The following TTBK1 variants were observed in gnomAD, a reference collection of about 807,000 sequenced individuals.
TTBK1 encodes tau tubulin kinase 1.
Under a neutral mutation model 108.5 loss-of-function variants are expected in TTBK1, and 34 were observed. That is an observed-to-expected ratio of 0.31 (90% CI 0.24 to 0.42). The LOEUF is 0.42. Among genes scored for constraint, TTBK1 ranks in the 10% least tolerant of loss-of-function variants. TTBK1 has a pLI of 1.00. For missense variants in TTBK1, 1,539 were observed against 1,826.0 expected (o/e 0.84, Z 2.86); for synonymous variants, 809 against 795.1 (o/e 1.02, Z -0.29).
chr6:43,253,183 G>A lies in TTBK1; in HGVS notation c.257-108G>A. 1 of 1,243,376 alleles carries A rather than the reference G, an allele frequency of 8.0e-7. No individual in the cohort carries two copies. Among genetic ancestry groups the A allele is most frequent in the Non-Finnish European group, 1.2e-6 (1 of 847,646 alleles). The allele number at this position is 1,243,376 out of a possible 1,614,324, so 77.0% of individuals were successfully genotyped here. On this transcript the variant is annotated intron_variant, in intron 3 of 14. Coordinates refer to ENST00000259750, the MANE Select transcript of TTBK1 (RefSeq NM_032538.3). This position sits in a 1 kb window ranked among gnomAD's most constrained non-coding sequence, Gnocchi z 5.8. Reference sequence around the variant, plus strand: ...AGGTGGCAAGACAGGTGCTCACAGGGCCAGCACTGGAGGGACCAGGAATCA... The same window carrying A: ...AGGTGGCAAGACAGGTGCTCACAGGACCAGCACTGGAGGGACCAGGAATCA...
rs1339522924 is a variant in TTBK1 at position 43,254,573 on chromosome 6, C to T, written c.498C>T (p.Pro166=). ...CAAACTTTGCCATGGGCAGGCTGCC[C>T]TCCACCTACAGGAAGTGCTATATGC... The part of the protein sequence containing the change: ...KPSNFAMGRL[P]STYRKCYMLD... The change falls in exon 6 of 15, where the codon CCC becomes CCT. Residue 166 remains proline, a synonymous_variant. Transcript: ENST00000259750. 3 of 1,579,494 alleles carry T rather than the reference C, an allele frequency of 1.9e-6. No homozygotes were observed. Among genetic ancestry groups the T allele is most frequent in the Admixed American group, 1.9e-5 (1 of 53,336 alleles).
At position 43,282,819 on chromosome 6, in the gene TTBK1, C is replaced by T. The variant is rs138964632; in HGVS notation, c.2079C>T (p.Ser693=). Residue 693 remains serine, a synonymous_variant, in exon 14 of 15, where the codon TCC becomes TCT. Coordinates refer to ENST00000259750, the MANE Select transcript of TTBK1 (RefSeq NM_032538.3). The surrounding 1 kb of genome is among the most constrained non-coding windows in gnomAD (Gnocchi z 5.4). The stretch of plus-strand genomic sequence containing the variant: ...ACCAGGACTTCAAAAGAGACCTCTC[C>T]GATTACCGAGAACGGGCGCGGTTGC... ...LPYQDFKRDL[S]DYRERARLLN... 9.7e-5 allele frequency: 157 copies of T among 1,614,066 alleles called. No individual in the cohort carries two copies. In the East Asian group the frequency reaches 2.7e-3, roughly 28 times the overall value.
At chr6:43,270,117 C>T in intron 13 of TTBK1, 2 of 1,380,986 alleles carry the variant, frequency 1.4e-6, no homozygotes, top group Non-Finnish European at 1.9e-6. Context: ...CTGTAATACT[C>T]CCACCCCAAG....
rs2150686263 is a variant in TTBK1 at position 43,253,759 on chromosome 6, C to T, written c.471+51C>T. On this transcript the variant is annotated intron_variant, in intron 5 of 14. Coordinates refer to ENST00000259750, the MANE Select transcript of TTBK1 (RefSeq NM_032538.3). The surrounding 1 kb of genome is among the most constrained non-coding windows in gnomAD (Gnocchi z 5.8). ...CTGTTCCCTCCTCCAGAACACACCC[C>T]TAATTCTTTCCCTGGGTCTCCTGGT... The T allele has an allele frequency of 3.9e-6, 6 of 1,557,254 alleles. No individual in the cohort carries two copies. The East Asian group carries it at 1.1e-4, about 30-fold the overall frequency.
Position 43,263,020 on chromosome 6 carries a change from C to T in TTBK1, c.1656C>T (p.Leu552=). ...TCATCATCGACAAGGAGACGGAGCT[C>T]AAGGACTTCCCTCCAGGGGCTGAGC... The part of the protein sequence containing the change: ...EWVIIDKETE[L]KDFPPGAEPS... The change falls in exon 13 of 15, where the codon CTC becomes CTT. Residue 552 remains leucine (L), a synonymous_variant. Coordinates refer to ENST00000259750, the MANE Select transcript of TTBK1 (RefSeq NM_032538.3). This position sits in a 1 kb window ranked among gnomAD's most constrained non-coding sequence, Gnocchi z 4.7. The T allele has an allele frequency of 6.2e-7, 1 of 1,604,428 alleles. No individual in the cohort carries two copies. The highest frequency in any genetic ancestry group is 2.3e-5 in the East Asian group (1 of 44,388).
chr6:43,285,797 C>G lies in TTBK1; in HGVS notation c.*421C>G, dbSNP rs779172254. On this transcript the variant is annotated 3_prime_UTR_variant, in exon 15 of 15. Transcript: ENST00000259750. The surrounding 1 kb of genome is among the most constrained non-coding windows in gnomAD (Gnocchi z 4.7). ...CAGCAATCTCTGCCTACACCTCCTGCGGCGCCTTGCCCTCCTCCGACCCCT... is the reference window on the plus strand; with the variant it reads ...CAGCAATCTCTGCCTACACCTCCTGGGGCGCCTTGCCCTCCTCCGACCCCT... 1.3e-5 allele frequency: 2 copies of G among 155,634 alleles called. No individual in the cohort carries two copies. Among genetic ancestry groups the G allele is most frequent in the Non-Finnish European group, 2.8e-5 (2 of 70,240 alleles). The allele number at this position is 155,634 out of a possible 1,614,324, so 9.6% of individuals were successfully genotyped here.
Position 43,253,851 on chromosome 6 carries a change from C to G in TTBK1, c.471+143C>G. ...CTCTTCTCCCCAAGCCCCTCCTGCT[C>G]TCCTTCCCAGGCCCCATCTCTTCCT... On this transcript the variant is annotated intron_variant, in intron 5 of 14. Coordinates refer to ENST00000259750, the MANE Select transcript of TTBK1 (RefSeq NM_032538.3). This position sits in a 1 kb window ranked among gnomAD's most constrained non-coding sequence, Gnocchi z 5.8. 2 of 1,138,160 alleles carry G rather than the reference C, an allele frequency of 1.8e-6. No individual in the cohort carries two copies. Among genetic ancestry groups the G allele is most frequent in the Non-Finnish European group, 2.4e-6 (2 of 827,304 alleles). 70.5% of individuals were successfully genotyped at this position (1,138,160 alleles called of 1,614,324 possible). A position where few individuals can be genotyped will look rare whatever the true frequency, so the allele number is the denominator to read the frequency against.
In TTBK1 at chr6:43,252,715, C is replaced by G. The variant is rs200399075; in HGVS notation, c.109-24C>G. On this transcript the variant is annotated intron_variant, in intron 2 of 14. Transcript: ENST00000259750. ...AGCTGTTCAGCCTGATCCCTGAGCA[C>G]CCCCTATCCCCTCATCTTCATAGCT... The G allele has an allele frequency of 2.2e-5, 36 of 1,613,398 alleles. No individual in the cohort carries two copies. The East Asian group carries it at 7.6e-4, about 34-fold the overall frequency.
At chr6:43,284,949 C>T (rs909119474) in intron 14 of TTBK1, 34 bp from the exon 15 acceptor site, 2 of 1,498,326 alleles carry the variant, frequency 1.3e-6, no homozygotes, top group African/African-American at 2.9e-5. Context: ...TTTCTTTGCC[C>T]TCTTCTTTTC....
chr6:43,247,647 TGTGTGTGCGTGTGTGCTTGGCGC>T (rs1777129818), intron 2 of TTBK1, among the ~76,000 whole-genome samples: 1 of 151,824 alleles, frequency 6.6e-6, no homozygotes. Context: ...CTGAGTCGTG[TGTGTGTGCGTGTGTGCTTGGCGC>T]GTGTGCGCAC....
chr6:43,246,369 T>C (rs534451827), intron 1 of TTBK1, among the ~76,000 whole-genome samples: 1 of 152,294 alleles, frequency 6.6e-6, no homozygotes, highest in African/African-American at 2.4e-5. Context: ...TCACTGTCAT[T>C]TTCCTCTTCT....
chr6:43,279,068 C>A (rs1778079545), intron 13 of TTBK1, among the ~76,000 whole-genome samples: 1 of 152,204 alleles, frequency 6.6e-6, no homozygotes, highest in Non-Finnish European at 1.5e-5. Flanking sequence ...TAACCTGGAC[C>A]AATGCCCAAA....
In TTBK1 at chr6:43,285,048, G is replaced by A; in HGVS notation, c.3638G>A (p.Gly1213Asp). The A allele has an allele frequency of 6.6e-7, 1 of 1,511,496 alleles. No homozygotes were observed. The highest frequency in any genetic ancestry group is 8.8e-7 in the Non-Finnish European group (1 of 1,136,602). 93.6% of individuals were successfully genotyped at this position (1,511,496 alleles called of 1,614,324 possible). The change falls in exon 15 of 15, where the codon GGC becomes GAC. Residue 1213 changes from glycine to aspartate, a missense_variant. This residue lies in a region of TTBK1 where 1,055 missense variants were observed against 1,086.5 expected (regional missense o/e 0.97). Coordinates refer to ENST00000259750, the MANE Select transcript of TTBK1 (RefSeq NM_032538.3). The surrounding 1 kb of genome is among the most constrained non-coding windows in gnomAD (Gnocchi z 4.7). ...GACCTCCGCCCCAAACAACCTCCTG[G>A]CCGCGGCCTGGGCCCAGGGCGAGCC... is the stretch of plus-strand genomic sequence containing the variant. ...AADLRPKQPP[G>D]RGLGPGRAQA...
rs1053657477 is a variant in TTBK1 at position 43,269,219 on chromosome 6, C to A, written c.1986+5869C>A. 1.3e-5 allele frequency among the ~76,000 whole-genome samples: 2 copies of A among 152,224 alleles called. No homozygotes were observed. Among genetic ancestry groups the A allele is most frequent in the Non-Finnish European group, 2.9e-5 (2 of 68,034 alleles). ...AGTTTCTGAGCCCTAATGAGTAGCA[C>A]GGAATCTAGCTGGGGAGACATGCCA... On this transcript the variant is annotated intron_variant, in intron 13 of 14. Coordinates refer to ENST00000259750, the MANE Select transcript of TTBK1 (RefSeq NM_032538.3). The surrounding 1 kb of genome is among the most constrained non-coding windows in gnomAD (Gnocchi z 4.8).
chr6:43,260,030 TCTC>T (rs987834521), intron 12 of TTBK1, among the ~76,000 whole-genome samples: 3 of 152,050 alleles, frequency 2.0e-5, no homozygotes, highest in Admixed American at 1.3e-4. Context: ...CAGAATCTCT[TCTC>T]CTAGAGACTA....
At position 43,259,294 on chromosome 6, in the gene TTBK1, G is replaced by C. The variant is rs553830665; in HGVS notation, c.1248+25G>C. 1 of 1,518,900 alleles carries C rather than the reference G, an allele frequency of 6.6e-7. No individual in the cohort carries two copies. The highest frequency in any genetic ancestry group is 8.9e-7 in the Non-Finnish European group (1 of 1,128,764). The allele number at this position is 1,518,900 out of a possible 1,614,324, so 94.1% of individuals were successfully genotyped here. Reference sequence around the variant, plus strand: ...AGTAACTGCCGCCAGGGCGAAGGGCGTGGGTGGCCTTTTCTCTCACCCCCG... The same window carrying C: ...AGTAACTGCCGCCAGGGCGAAGGGCCTGGGTGGCCTTTTCTCTCACCCCCG... On this transcript the variant is annotated intron_variant, in intron 11 of 14. Coordinates refer to ENST00000259750, the MANE Select transcript of TTBK1 (RefSeq NM_032538.3). This position sits in a 1 kb window ranked among gnomAD's most constrained non-coding sequence, Gnocchi z 6.7.
chr6:43,269,243 C>CA lies in TTBK1; in HGVS notation c.1986+5894dup, dbSNP rs1777759773. Among the ~76,000 whole-genome samples the CA allele has an allele frequency of 6.6e-6, 1 of 152,158 alleles. No homozygotes were observed. Among genetic ancestry groups the CA allele is most frequent in the Non-Finnish European group, 1.5e-5 (1 of 68,032 alleles). On this transcript the variant is annotated intron_variant, in intron 13 of 14. Coordinates refer to ENST00000259750, the MANE Select transcript of TTBK1 (RefSeq NM_032538.3). This position sits in a 1 kb window ranked among gnomAD's most constrained non-coding sequence, Gnocchi z 4.8. ...ACGGAATCTAGCTGGGGAGACATGC[C>CA]ACACACAGCTGTCAACACATGGCAA... is the stretch of plus-strand genomic sequence containing the variant.
chr6:43,243,653 C>T lies in TTBK1; in HGVS notation c.-110C>T, dbSNP rs1777011965. 1 of 153,036 alleles carries T rather than the reference C, an allele frequency of 6.5e-6. No homozygotes were observed. Among genetic ancestry groups the T allele is most frequent in the Non-Finnish European group, 1.5e-5 (1 of 68,742 alleles). 9.5% of individuals were successfully genotyped at this position (153,036 alleles called of 1,614,324 possible). On this transcript the variant is annotated 5_prime_UTR_variant, in exon 1 of 15. Coordinates refer to ENST00000259750, the MANE Select transcript of TTBK1 (RefSeq NM_032538.3). This position sits in a 1 kb window ranked among gnomAD's most constrained non-coding sequence, Gnocchi z 5.5. ...GCCCCGGCCCCGGGGGATGCGCCGC[C>T]CCGAGCTGCTGCCTCCGCCGCCGCC...
At chr6:43,244,176 C>G (rs1023051806) in intron 1 of TTBK1, among the ~76,000 whole-genome samples, 3 of 151,966 alleles carry the variant, frequency 2.0e-5, no homozygotes, top group Non-Finnish European at 2.9e-5. Flanking sequence ...CTCTATCCTA[C>G]CCACCCCTCT....
Sources: allele counts gnomAD v4.1 joint callset (sites outside exome capture counted in the v4.1 genomes callset), GRCh38; gene constraint gnomAD v4.1.1; regional missense constraint gnomAD v4.1.1; non-coding constraint Gnocchi (gnomAD v3.1); transcripts MANE v1.5; gene names NCBI Gene and HGNC (gene_info 2026-07-23, HGNC 2026-07-21).